ANGPT1: variants seen among roughly 807,000 people sequenced by gnomAD.
ANGPT1 encodes the protein angiopoietin-1.
ANGPT1 carries 17 observed loss-of-function variants against 62.2 expected under a neutral mutation model. The observed-to-expected ratio is 0.27, with a 90% CI of 0.19 to 0.41. The LOEUF is 0.41. Among genes scored for constraint, ANGPT1 ranks in the 10% least tolerant of loss-of-function variants. The pLI, the probability that ANGPT1 is intolerant of heterozygous loss-of-function variation, is 1.00. For synonymous variants in ANGPT1, 199 were observed against 198.9 expected, an observed-to-expected ratio of 1.00 and a Z score of 0.00; for missense variants, 478 against 594.9, an observed-to-expected ratio of 0.80 and a Z score of 2.04.
chr8:107,304,327 T>G (rs1296672724), intron 4 of ANGPT1, among the ~76,000 whole-genome samples: 1 of 151,754 alleles, frequency 6.6e-6, no homozygotes, highest in African/African-American at 2.4e-5. Context: ...TATAAAGTAT[T>G]TATGATTTAG....
intron 1 of ANGPT1, among the ~76,000 whole-genome samples, chr8:107,467,911 T>C (rs1812247166): frequency 1.3e-5 from 2 of 152,122 alleles, no homozygotes; most frequent in Admixed American, 6.6e-5. Context: ...GCCTAAAGCC[T>C]AGATGTTAGA....
chr8:107,258,987 A>C (rs1457716378), intron 8 of ANGPT1, among the ~76,000 whole-genome samples: 1 of 152,150 alleles, frequency 6.6e-6, no homozygotes, highest in Non-Finnish European at 1.5e-5. Flanking sequence ...TCTGCCACAC[A>C]CTATGGCAGC....
At chr8:107,361,893 T>C (rs1586256177) in intron 1 of ANGPT1, among the ~76,000 whole-genome samples, 1 of 152,116 alleles carries the variant, frequency 6.6e-6, no homozygotes, top group East Asian at 1.9e-4. Context: ...ACCCTGTCTC[T>C]ACTAAAAATA....
intron 7 of ANGPT1, among the ~76,000 whole-genome samples, chr8:107,269,360 A>G (rs1323661691): frequency 6.6e-6 from 1 of 151,868 alleles, no homozygotes; most frequent in East Asian, 1.9e-4. Context: ...GAACATTTGG[A>G]TGATTCTTTT....
chr8:107,406,691 T>A (rs1181743750), intron 1 of ANGPT1, among the ~76,000 whole-genome samples: 1 of 152,096 alleles, frequency 6.6e-6, no homozygotes, highest in African/African-American at 2.4e-5. Context: ...TACTTTTCTG[T>A]GCTCCCTTTT....
intron 1 of ANGPT1, among the ~76,000 whole-genome samples, chr8:107,470,873 C>A (rs1002976982): frequency 1.3e-5 from 2 of 152,008 alleles, no homozygotes; most frequent in African/African-American, 4.8e-5. Context: ...GTTAGAATGG[C>A]AATCATAAAA....
intron 4 of ANGPT1, among the ~76,000 whole-genome samples, chr8:107,320,067 A>AT (rs979641036): frequency 6.6e-6 from 1 of 152,136 alleles, no homozygotes; most frequent in African/African-American, 2.4e-5. Context: ...TATTATTACT[A>AT]TTTTTGGATA....
intron 1 of ANGPT1, among the ~76,000 whole-genome samples, chr8:107,354,691 G>A (rs1816004098): frequency 6.6e-6 from 1 of 152,168 alleles, no homozygotes; most frequent in Non-Finnish European, 1.5e-5. Flanking sequence ...AGGCACATCT[G>A]TTTTAAGATA....
chr8:107,380,970 G>A (rs1816625626), intron 1 of ANGPT1, among the ~76,000 whole-genome samples: 1 of 152,220 alleles, frequency 6.6e-6, no homozygotes, highest in African/African-American at 2.4e-5. Context: ...AGCTTGTTGG[G>A]TACTCCAGAT....
intron 1 of ANGPT1, among the ~76,000 whole-genome samples, chr8:107,425,171 C>A (rs1213063976): frequency 4.6e-5 from 7 of 152,204 alleles, no homozygotes; most frequent in South Asian, 2.1e-4. Flanking sequence ...CTGCACCCAG[C>A]CAGAAAGACT....
At chr8:107,464,658 A>C (rs1053311287) in intron 1 of ANGPT1, among the ~76,000 whole-genome samples, 3 of 152,136 alleles carry the variant, frequency 2.0e-5, no homozygotes, top group African/African-American at 7.2e-5. Flanking sequence ...AATTTCCTTA[A>C]TTCTCAGTGC....
Position 107,292,896 on chromosome 8 carries a change from A to G in ANGPT1, c.1038+1040T>C, listed in dbSNP as rs965549492. Among the ~76,000 whole-genome samples the G allele has an allele frequency of 1.4e-4, 21 of 152,190 alleles. No individual in the cohort carries two copies. The South Asian group carries it at 1.7e-3, about 12-fold the overall frequency. On this transcript the variant is annotated intron_variant, in intron 6 of 8. Transcript: ENST00000517746. ...AGCATTTCTTTCTCTCTACCTGGTG[A>G]GAGAAAATTTGTCAAAAAGTCAAGA... is the stretch of plus-strand genomic sequence containing the variant.
intron 1 of ANGPT1, among the ~76,000 whole-genome samples, chr8:107,473,261 C>A (rs1812411224): frequency 6.6e-6 from 1 of 152,040 alleles, no homozygotes; most frequent in African/African-American, 2.4e-5. Context: ...CATAAACTGG[C>A]AGAACTACCA....
intron 1 of ANGPT1, among the ~76,000 whole-genome samples, chr8:107,473,956 AC>A (rs1449645288): frequency 6.6e-6 from 1 of 152,086 alleles, no homozygotes; most frequent in African/African-American, 2.4e-5. Flanking sequence ...TAGCCTACCA[AC>A]CAAAAAAAGT....
At chr8:107,315,630 T>C (rs370109147) in intron 4 of ANGPT1, among the ~76,000 whole-genome samples, 15 of 152,260 alleles carry the variant, frequency 9.9e-5, no homozygotes, top group African/African-American at 3.6e-4. Context: ...GTCTATATTT[T>C]TCTTTCGGTC....
In ANGPT1 at chr8:107,284,651, T is replaced by C. The variant is rs768079791; in HGVS notation, c.1205+31A>G. On this transcript the variant is annotated intron_variant, in intron 7 of 8. Transcript: ENST00000517746. ...AATTATTAAGTGGCTAGGTAAAAGG[T>C]AGTCGAACACTACACTGTAGCATGA... 4.9e-6 allele frequency: 7 copies of C among 1,426,300 alleles called. No homozygotes were observed. The African/African-American group carries it at 8.6e-5, about 17-fold the overall frequency. 88.4% of individuals were successfully genotyped at this position (1,426,300 alleles called of 1,614,324 possible).
rs1038502490 is a variant in ANGPT1 at position 107,272,563 on chromosome 8, T to A, written c.1206-8212A>T. Among the ~76,000 whole-genome samples, 3 of 152,072 alleles carry A rather than the reference T, an allele frequency of 2.0e-5. No homozygotes were observed. The East Asian group carries it at 5.8e-4, about 29-fold the overall frequency. ...TTAGCAGTAATTTTTGTTTCAAAAC[T>A]CTGGTAAAATACAGTTCTTAGTGTT... On this transcript the variant is annotated intron_variant, in intron 7 of 8. Coordinates refer to ENST00000517746, the MANE Select transcript of ANGPT1 (RefSeq NM_001146.5).
intron 6 of ANGPT1, among the ~76,000 whole-genome samples, chr8:107,286,653 T>C (rs1273627546): frequency 2.0e-5 from 3 of 152,184 alleles, no homozygotes; most frequent in African/African-American, 7.2e-5. Context: ...ACTAAGTTTT[T>C]TGATAGGCTG....
chr8:107,439,336 A>T (rs1307098210), intron 1 of ANGPT1, among the ~76,000 whole-genome samples: 1 of 152,208 alleles, frequency 6.6e-6, no homozygotes, highest in Non-Finnish European at 1.5e-5. Flanking sequence ...TAATAACTGT[A>T]TTGTACAAAG....
Sources: gnomAD v4.1 joint callset for allele counts (sites outside exome capture counted in the v4.1 genomes callset) on GRCh38, gnomAD v4.1.1 for gene constraint, MANE v1.5 for transcripts, NCBI Gene and HGNC (gene_info 2026-07-23, HGNC 2026-07-21) for gene names.